Variants in SKAP2 observed in about 807,000 individuals in gnomAD.
SKAP2 encodes src kinase-associated phosphoprotein 2.
SKAP2 carries 28 observed loss-of-function variants against 54.9 expected under a neutral mutation model. The ratio of observed to expected loss-of-function variants is 0.51; its 90% CI spans 0.38 to 0.70. The LOEUF is 0.70. Ranked by LOEUF, SKAP2 falls within the 30% of genes least tolerant of loss-of-function variation. The pLI is 0.00. For synonymous variants in SKAP2, 137 were observed against 134.3 expected (o/e 1.02, Z -0.14); for missense variants, 356 against 424.1 (o/e 0.84, Z 1.41).
At chr7:26,741,392 G>A (rs1274045701) in intron 4 of SKAP2, among the ~76,000 whole-genome samples, 2 of 151,532 alleles carry the variant, frequency 1.3e-5, no homozygotes, top group South Asian at 2.1e-4. Context: ...TGGTATACGC[G>A]CCTGCAGTCC....
At chr7:26,774,502 T>C (rs1331811256) in intron 4 of SKAP2, among the ~76,000 whole-genome samples, 1 of 56,360 alleles carries the variant, frequency 1.8e-5, no homozygotes, top group East Asian at 2.5e-4. Flanking sequence ...GATCAAGTTG[T>C]GTGTGTGTGT....
At chr7:26,797,282 C>T (rs1489319929) in intron 4 of SKAP2, among the ~76,000 whole-genome samples, 1 of 152,224 alleles carries the variant, frequency 6.6e-6, no homozygotes, top group East Asian at 1.9e-4. Flanking sequence ...TCAGGTCTTA[C>T]CCCGTGCAGT....
At chr7:26,744,767 C>A (rs117406918) in intron 4 of SKAP2, among the ~76,000 whole-genome samples, 2,561 of 152,106 alleles carry the variant, frequency 0.017, 33 homozygotes, top group Non-Finnish European at 0.027. Flanking sequence ...CACACACACA[C>A]ACTATATCCC....
At chr7:26,775,939 GA>G (rs1175364892) in intron 4 of SKAP2, among the ~76,000 whole-genome samples, 1 of 152,074 alleles carries the variant, frequency 6.6e-6, no homozygotes, top group Non-Finnish European at 1.5e-5. Context: ...TGGCTTTTTA[GA>G]AGAGTAGTTT....
Position 26,686,657 on chromosome 7 carries a change from A to G in SKAP2, c.875-1809T>C, listed in dbSNP as rs146649366. On this transcript the variant is annotated intron_variant, in intron 10 of 12. Coordinates refer to ENST00000345317, the MANE Select transcript of SKAP2 (RefSeq NM_003930.5). ...TCCTTTAAAAACCACTTATTTAGAC[A>G]AATAGAGATTTAGAAGTTGAAACAT... Among the ~76,000 whole-genome samples, 845 of 152,350 alleles carry G rather than the reference A, an allele frequency of 5.5e-3. 8 individuals carry two copies. Among genetic ancestry groups the G allele is most frequent in the African/African-American group, 0.019 (802 of 41,584 alleles).
At position 26,697,521 on chromosome 7, in the gene SKAP2, T is replaced by A. The variant is rs140145552; in HGVS notation, c.797-7159A>T. Among the ~76,000 whole-genome samples, 91 of 152,338 alleles carry A rather than the reference T, an allele frequency of 6.0e-4. 1 individual carries two copies. In the East Asian group the frequency reaches 0.017, roughly 28 times the overall value. On this transcript the variant is annotated intron_variant, in intron 9 of 12. Coordinates refer to ENST00000345317, the MANE Select transcript of SKAP2 (RefSeq NM_003930.5). ...TTTACAACCCAAATTCTTGGCTTTTTATTAAAGTTTATAACAAATTGTGTA... is the reference window on the plus strand; with the variant it reads ...TTTACAACCCAAATTCTTGGCTTTTAATTAAAGTTTATAACAAATTGTGTA...
intron 4 of SKAP2, among the ~76,000 whole-genome samples, chr7:26,787,574 G>A (rs1369488038): frequency 6.6e-6 from 1 of 152,066 alleles, no homozygotes; most frequent in Non-Finnish European, 1.5e-5. Context: ...TGATCCACCT[G>A]CCTCTGCCTC....
chr7:26,735,701 T>A (rs1787916138), intron 6 of SKAP2, among the ~76,000 whole-genome samples: 1 of 152,186 alleles, frequency 6.6e-6, no homozygotes, highest in South Asian at 2.1e-4. Flanking sequence ...TATGAGTTCT[T>A]CCCATTAGGT....
At chr7:26,805,836 T>G (rs924662101) in intron 4 of SKAP2, among the ~76,000 whole-genome samples, 2 of 152,248 alleles carry the variant, frequency 1.3e-5, no homozygotes, top group Admixed American at 1.3e-4. Flanking sequence ...CTTCATTTTA[T>G]TGCATTTCAC....
rs185977462 is a variant in SKAP2, at chr7:26,823,572, T to C, written c.307+20458A>G. Among the ~76,000 whole-genome samples the C allele has an allele frequency of 2.7e-3, 413 of 152,252 alleles. 1 individual carries two copies. Among genetic ancestry groups the C allele is most frequent in the African/African-American group, 9.3e-3 (388 of 41,560 alleles). Reference sequence around the variant, plus strand: ...ACCCAGATCAAGGCCCTAACTCTCTTCAATTCTATGAAGGCTAACAGAGAT... The same window carrying C: ...ACCCAGATCAAGGCCCTAACTCTCTCCAATTCTATGAAGGCTAACAGAGAT... On this transcript the variant is annotated intron_variant, in intron 4 of 12. Transcript: ENST00000345317.
At chr7:26,804,394 T>A (rs1015373938) in intron 4 of SKAP2, among the ~76,000 whole-genome samples, 2 of 152,190 alleles carry the variant, frequency 1.3e-5, no homozygotes, top group African/African-American at 4.8e-5. Flanking sequence ...GAAGAAATAT[T>A]TATACCTTAC....
At chr7:26,862,861 C>T (rs1785297813) in intron 1 of SKAP2, among the ~76,000 whole-genome samples, 1 of 152,014 alleles carries the variant, frequency 6.6e-6, no homozygotes, top group South Asian at 2.1e-4. Context: ...CATAGAATAT[C>T]CTGAAAATGG....
intron 6 of SKAP2, 39 bp from the exon 7 acceptor site, chr7:26,727,045 G>A (rs1205355103): frequency 6.8e-7 from 1 of 1,468,142 alleles, no homozygotes; most frequent in East Asian, 2.4e-5. Context: ...CATTTACTAA[G>A]TATTAATGCT....
At chr7:26,772,854 T>C (rs1401951808) in intron 4 of SKAP2, among the ~76,000 whole-genome samples, 2 of 152,248 alleles carry the variant, frequency 1.3e-5, no homozygotes, top group African/African-American at 4.8e-5. Context: ...CATTCTGCTG[T>C]TCATAGAATC....
chr7:26,688,564 G>C (rs552249477), intron 10 of SKAP2, among the ~76,000 whole-genome samples: 1 of 152,228 alleles, frequency 6.6e-6, no homozygotes, highest in Non-Finnish European at 1.5e-5. Flanking sequence ...GACAGCCTAG[G>C]GAAGAGCAAA....
chr7:26,753,187 GAGAC>G (rs1782722321), intron 4 of SKAP2, among the ~76,000 whole-genome samples: 1 of 152,132 alleles, frequency 6.6e-6, no homozygotes, highest in Non-Finnish European at 1.5e-5. Context: ...ACTGGCCAGG[GAGAC>G]AGACATAGAC....
At chr7:26,801,589 A>C (rs1489920678) in intron 4 of SKAP2, among the ~76,000 whole-genome samples, 1 of 152,212 alleles carries the variant, frequency 6.6e-6, no homozygotes, top group Non-Finnish European at 1.5e-5. Context: ...CAATAATATG[A>C]TCTTATATTT....
chr7:26,747,490 G>A (rs914956333), intron 4 of SKAP2, among the ~76,000 whole-genome samples: 5 of 151,972 alleles, frequency 3.3e-5, no homozygotes, highest in Non-Finnish European at 7.4e-5. Context: ...CATTTTGAAG[G>A]CTACCAAGCA....
At chr7:26,803,898 A>T (rs772017437) in intron 4 of SKAP2, among the ~76,000 whole-genome samples, 3 of 152,236 alleles carry the variant, frequency 2.0e-5, no homozygotes, top group Non-Finnish European at 2.9e-5. Context: ...GTTCTCACTT[A>T]CTTGTGGGAT....
Sources: allele counts gnomAD v4.1 joint callset (sites outside exome capture counted in the v4.1 genomes callset), GRCh38; gene constraint gnomAD v4.1.1; transcripts MANE v1.5; gene names NCBI Gene and HGNC (gene_info 2026-07-23, HGNC 2026-07-21).